SCAPER: variants seen among roughly 807,000 people sequenced by gnomAD.
SCAPER encodes the protein S phase cyclin A-associated protein in the endoplasmic reticulum.
A neutral mutation model predicts 182.2 loss-of-function variants in SCAPER; 98 were observed. That is an observed-to-expected ratio of 0.54 (90% CI 0.46 to 0.64). SCAPER has a LOEUF of 0.64. Among genes scored for constraint, SCAPER ranks in the 30% least tolerant of loss-of-function variants. The pLI is 0.00. For synonymous variants in SCAPER, 605 were observed against 564.6 expected, an observed-to-expected ratio of 1.07 and a Z score of -1.01; for missense variants, 1,432 against 1,690.0, an observed-to-expected ratio of 0.85 and a Z score of 2.68.
At chr15:76,421,383 A>AT (rs2046028158) in intron 26 of SCAPER, among the ~76,000 whole-genome samples, 1 of 152,058 alleles carries the variant, frequency 6.6e-6, no homozygotes, top group Admixed American at 6.6e-5. Flanking sequence ...GATGATGAGC[A>AT]TTTTTTCATG....
At chr15:76,439,699 C>T (rs1301986857) in intron 25 of SCAPER, among the ~76,000 whole-genome samples, 1 of 152,204 alleles carries the variant, frequency 6.6e-6, no homozygotes, top group African/African-American at 2.4e-5. Context: ...ACACACCTGA[C>T]TTACCTGAGT....
intron 5 of SCAPER, among the ~76,000 whole-genome samples, chr15:76,812,831 A>G (rs1008637779): frequency 3.9e-5 from 6 of 152,142 alleles, no homozygotes; most frequent in South Asian, 2.1e-4. Context: ...CCAAAACCAG[A>G]TATCTTCAGA....
chr15:76,612,991 TG>T (rs2051135766), intron 22 of SCAPER, among the ~76,000 whole-genome samples: 1 of 152,016 alleles, frequency 6.6e-6, no homozygotes, highest in Non-Finnish European at 1.5e-5. Context: ...AAGAATAGCA[TG>T]GGAGGCATCA....
chr15:76,381,134 T>C (rs1450103113), intron 28 of SCAPER: 1 of 213,630 alleles, frequency 4.7e-6, no homozygotes, highest in Non-Finnish European at 9.0e-6. Context: ...CTTCTCTATC[T>C]GTAAAATGGG....
chr15:76,524,841 C>T (rs563019154), intron 23 of SCAPER, among the ~76,000 whole-genome samples: 1 of 151,782 alleles, frequency 6.6e-6, no homozygotes, highest in African/African-American at 2.4e-5. Context: ...CAGGGAAGAT[C>T]TAAGTGACCT....
At chr15:76,405,766 G>C (rs968699651) in intron 26 of SCAPER, among the ~76,000 whole-genome samples, 1 of 152,198 alleles carries the variant, frequency 6.6e-6, no homozygotes, top group African/African-American at 2.4e-5. Context: ...TGCAAATATA[G>C]CAGTTCTGCA....
chr15:76,796,830 G>A (rs1038860205), intron 7 of SCAPER, among the ~76,000 whole-genome samples: 8 of 152,150 alleles, frequency 5.3e-5, no homozygotes, highest in South Asian at 2.1e-4. Flanking sequence ...ACTCCACTAC[G>A]GTTCAATTAT....
In SCAPER at chr15:76,612,652, GAACT is replaced by G. The variant is rs569450026; in HGVS notation, c.2711+9108_2711+9111del. ...ACAGTCAAGCTGAGTGCCAAATCAG[GAACT>G]AACTCCCATTCCATACTGCCACAAA... is the stretch of plus-strand genomic sequence containing the variant. On this transcript the variant is annotated intron_variant, in intron 22 of 31. Transcript: ENST00000563290. Among the ~76,000 whole-genome samples the G allele has an allele frequency of 3.3e-5, 5 of 152,120 alleles. No homozygotes were observed. The South Asian group carries it at 1.0e-3, about 32-fold the overall frequency.
chr15:76,880,918 G>A (rs1225469047), intron 2 of SCAPER, among the ~76,000 whole-genome samples: 1 of 152,136 alleles, frequency 6.6e-6, no homozygotes, highest in Non-Finnish European at 1.5e-5. Context: ...TGTTGGTGAG[G>A]ATGTGGAAAA....
At chr15:76,641,585 C>T (rs1456922572) in intron 21 of SCAPER, among the ~76,000 whole-genome samples, 1 of 152,050 alleles carries the variant, frequency 6.6e-6, no homozygotes, top group Non-Finnish European at 1.5e-5. Context: ...CCAGATCCCG[C>T]AATACCAAAA....
At chr15:76,410,785 T>C (rs1290442780) in intron 26 of SCAPER, among the ~76,000 whole-genome samples, 1 of 144,582 alleles carries the variant, frequency 6.9e-6, no homozygotes, top group East Asian at 2.0e-4. Flanking sequence ...CTATTCTTGC[T>C]TTTTTTTTTT....
intron 15 of SCAPER, chr15:76,737,070 A>G: frequency 6.6e-6 from 1 of 152,612 alleles, no homozygotes; most frequent in Non-Finnish European, 1.5e-5. Flanking sequence ...GTTAATGTTG[A>G]TATTTTGACT....
intron 5 of SCAPER, among the ~76,000 whole-genome samples, chr15:76,820,510 G>A (rs1359563452): frequency 1.3e-5 from 2 of 148,262 alleles, no homozygotes; most frequent in Admixed American, 1.4e-4. Flanking sequence ...AACACCACGT[G>A]TTCTCACTCA....
chr15:76,697,438 A>C (rs1411449309), intron 20 of SCAPER, among the ~76,000 whole-genome samples: 2 of 152,218 alleles, frequency 1.3e-5, no homozygotes, highest in Non-Finnish European at 2.9e-5. Context: ...TAAGACTGCT[A>C]TGGCTACAAA....
At chr15:76,780,975 T>C (rs750077580) in intron 8 of SCAPER, among the ~76,000 whole-genome samples, 11 of 152,134 alleles carry the variant, frequency 7.2e-5, no homozygotes, top group Non-Finnish European at 1.0e-4. Context: ...AGAGCGCCTC[T>C]TCTCCTCCAA....
At chr15:76,496,257 T>C (rs939935115) in intron 24 of SCAPER, among the ~76,000 whole-genome samples, 18 of 151,998 alleles carry the variant, frequency 1.2e-4, no homozygotes, top group African/African-American at 3.6e-4. Context: ...AGCTGGACTA[T>C]AGCCCATTAT....
intron 23 of SCAPER, among the ~76,000 whole-genome samples, chr15:76,539,392 A>T (rs2044515332): frequency 6.6e-6 from 1 of 152,198 alleles, no homozygotes; most frequent in Non-Finnish European, 1.5e-5. Context: ...AGAAATTTAC[A>T]CTTAAAATGT....
chr15:76,903,678 T>G (rs1274077428), intron 1 of SCAPER, among the ~76,000 whole-genome samples: 1 of 152,174 alleles, frequency 6.6e-6, no homozygotes, highest in Non-Finnish European at 1.5e-5. Flanking sequence ...TCTGAGGTAT[T>G]TTGCTATACC....
chr15:76,592,205 A>G (rs1464767594), intron 22 of SCAPER, among the ~76,000 whole-genome samples: 1 of 151,884 alleles, frequency 6.6e-6, no homozygotes, highest in Non-Finnish European at 1.5e-5. Flanking sequence ...AATACTTAGG[A>G]ATGAAATTAA....
Sources: allele counts gnomAD v4.1 joint callset (sites outside exome capture counted in the v4.1 genomes callset), GRCh38; gene constraint gnomAD v4.1.1; transcripts MANE v1.5; gene names NCBI Gene and HGNC (gene_info 2026-07-23, HGNC 2026-07-21).